NKAIN2: variants seen among roughly 807,000 people sequenced by gnomAD.
NKAIN2 encodes the protein sodium/potassium-transporting ATPase subunit beta-1-interacting protein 2.
NKAIN2 carries 14 observed loss-of-function variants against 32.6 expected under a neutral mutation model. The ratio of observed to expected loss-of-function variants is 0.43; its 90% CI spans 0.28 to 0.67. The LOEUF is 0.67. NKAIN2 is among the 30% of genes least tolerant of loss of function. The pLI is 0.17. For missense variants in NKAIN2, 198 were observed against 258.3 expected, an observed-to-expected ratio of 0.77 and a Z score of 1.60; for synonymous variants, 80 against 87.2, an observed-to-expected ratio of 0.92 and a Z score of 0.46.
chr6:124,029,103 A>G (rs1007201060), intron 1 of NKAIN2, among the ~76,000 whole-genome samples: 1 of 151,216 alleles, frequency 6.6e-6, no homozygotes, highest in Non-Finnish European at 1.5e-5. Context: ...GATAATTTGA[A>G]CGTAAGTGCT....
intron 3 of NKAIN2, among the ~76,000 whole-genome samples, chr6:124,655,884 G>A (rs1403113118): frequency 2.0e-5 from 3 of 152,026 alleles, no homozygotes; most frequent in South Asian, 4.1e-4. Context: ...CTTGTGGTTG[G>A]TCTTGACTTC....
chr6:124,261,763 G>A (rs1373080038), intron 1 of NKAIN2, among the ~76,000 whole-genome samples: 1 of 151,924 alleles, frequency 6.6e-6, no homozygotes, highest in African/African-American at 2.4e-5. Context: ...GGGAGGCTGA[G>A]GCAGGAGAAT....
At chr6:124,458,041 C>A (rs1217928651) in intron 3 of NKAIN2, among the ~76,000 whole-genome samples, 1 of 151,860 alleles carries the variant, frequency 6.6e-6, no homozygotes, top group African/African-American at 2.4e-5. Context: ...ATCCTGATAG[C>A]CTCTAAACTG....
intron 1 of NKAIN2, among the ~76,000 whole-genome samples, chr6:124,261,391 A>G (rs1475605483): frequency 6.6e-6 from 1 of 152,196 alleles, no homozygotes; most frequent in Non-Finnish European, 1.5e-5. Flanking sequence ...ATTTTGAATT[A>G]TCAAGGAATT....
At chr6:124,275,348 G>A (rs79792171) in intron 1 of NKAIN2, among the ~76,000 whole-genome samples, 5,426 of 152,122 alleles carry the variant, frequency 0.036, 211 homozygotes, top group African/African-American at 0.093. Context: ...GGTATATTAA[G>A]AAATGCCATG....
chr6:124,084,863 AT>A (rs1322758225), intron 1 of NKAIN2, among the ~76,000 whole-genome samples: 4 of 151,950 alleles, frequency 2.6e-5, no homozygotes, highest in Non-Finnish European at 5.9e-5. Context: ...GAAAAAAAAA[AT>A]CTCTATGCTT....
intron 1 of NKAIN2, among the ~76,000 whole-genome samples, chr6:123,961,606 G>A (rs1777855478): frequency 6.6e-6 from 1 of 152,108 alleles, no homozygotes. Flanking sequence ...GAAAACCATT[G>A]AATTTTTGTG....
intron 3 of NKAIN2, among the ~76,000 whole-genome samples, chr6:124,520,761 G>A (rs1222667505): frequency 6.6e-6 from 1 of 152,104 alleles, no homozygotes; most frequent in Non-Finnish European, 1.5e-5. Flanking sequence ...ACAAATTTCT[G>A]TGACTCGATT....
chr6:123,963,604 C>A (rs906428972), intron 1 of NKAIN2, among the ~76,000 whole-genome samples: 37 of 152,048 alleles, frequency 2.4e-4, no homozygotes, highest in Non-Finnish European at 2.2e-4. Flanking sequence ...AATACTTACA[C>A]AATAGTTAGA....
At chr6:124,238,049 T>A (rs1318174472) in intron 1 of NKAIN2, among the ~76,000 whole-genome samples, 1 of 152,008 alleles carries the variant, frequency 6.6e-6, no homozygotes, top group Admixed American at 6.6e-5. Context: ...AAGTGAGAGT[T>A]GAAGCTGTGG....
intron 1 of NKAIN2, among the ~76,000 whole-genome samples, chr6:123,947,286 C>G (rs539922666): frequency 6.6e-6 from 1 of 152,280 alleles, no homozygotes; most frequent in East Asian, 1.9e-4. Context: ...TGACTATGAA[C>G]TCATACAGCT....
intron 4 of NKAIN2, among the ~76,000 whole-genome samples, chr6:124,740,262 T>G (rs1432109683): frequency 6.6e-6 from 1 of 151,658 alleles, no homozygotes; most frequent in Non-Finnish European, 1.5e-5. Context: ...CCACATAATC[T>G]TCCCCCAGAT....
At chr6:124,772,694 G>A (rs964716530) in intron 4 of NKAIN2, among the ~76,000 whole-genome samples, 1 of 152,156 alleles carries the variant, frequency 6.6e-6, no homozygotes, top group African/African-American at 2.4e-5. Context: ...TACAGTGAAA[G>A]TTGTGGAACG....
At chr6:124,246,256 C>T (rs1793388765) in intron 1 of NKAIN2, among the ~76,000 whole-genome samples, 1 of 152,040 alleles carries the variant, frequency 6.6e-6, no homozygotes, top group African/African-American at 2.4e-5. Flanking sequence ...CATTTAAATG[C>T]ACATGTCTGA....
At chr6:123,854,179 T>C (rs1582656079) in intron 1 of NKAIN2, among the ~76,000 whole-genome samples, 1 of 152,368 alleles carries the variant, frequency 6.6e-6, no homozygotes, top group East Asian at 1.9e-4. Flanking sequence ...GAATCGGTGC[T>C]TTCAAAACAA....
At chr6:124,275,896 T>C (rs1795008424) in intron 1 of NKAIN2, among the ~76,000 whole-genome samples, 1 of 152,158 alleles carries the variant, frequency 6.6e-6, no homozygotes, top group Non-Finnish European at 1.5e-5. Flanking sequence ...ACATTATCAC[T>C]CTAATTTTCA....
At chr6:124,179,193 G>A (rs1362692684) in intron 1 of NKAIN2, among the ~76,000 whole-genome samples, 1 of 152,220 alleles carries the variant, frequency 6.6e-6, no homozygotes, top group African/African-American at 2.4e-5. Flanking sequence ...AGTAGAAAAT[G>A]TATTAGCTCT....
chr6:124,548,364 G>T (rs1333642922), intron 3 of NKAIN2, among the ~76,000 whole-genome samples: 1 of 152,158 alleles, frequency 6.6e-6, no homozygotes, highest in Non-Finnish European at 1.5e-5. Context: ...CCATTTGAAA[G>T]TCTTAATTGG....
intron 1 of NKAIN2, among the ~76,000 whole-genome samples, chr6:124,096,727 G>A (rs1258403098): frequency 6.6e-6 from 1 of 151,856 alleles, no homozygotes; most frequent in East Asian, 2.0e-4. Context: ...GCGTGGTGGC[G>A]GATGCCTGTA....
Sources: allele counts gnomAD v4.1 joint callset (sites outside exome capture counted in the v4.1 genomes callset), GRCh38; gene constraint gnomAD v4.1.1; transcripts MANE v1.5; gene names NCBI Gene and HGNC (gene_info 2026-07-23, HGNC 2026-07-21).